AP2M1: variants seen among roughly 807,000 people sequenced by gnomAD.
AP2M1 encodes the protein adaptor related protein complex 2 subunit mu 1.
AP2M1 carries 5 observed loss-of-function variants against 54.5 expected under a neutral mutation model. The ratio of observed to expected loss-of-function variants is 0.09; its 90% confidence interval spans 0.05 to 0.19. The LOEUF (loss-of-function observed/expected upper bound fraction) is 0.19, where lower values mean the gene tolerates loss of function less well. AP2M1 is among the 10% of genes least tolerant of loss of function. AP2M1 has a pLI of 1.00. For missense variants in AP2M1, 178 were observed against 580.2 expected (o/e 0.31, Z 7.12); for synonymous variants, 186 against 208.2 (o/e 0.89, Z 0.92).
chr3:184,177,175 C>T, intron 2 of AP2M1, 108 bp downstream of exon 2: 1 of 1,112,024 alleles, frequency 9.0e-7, no homozygotes, highest in Non-Finnish European at 1.3e-6. Flanking sequence ...CCACCCTGAC[C>T]CCTGGCTGCA....
At position 184,181,939 on chromosome 3, in the gene AP2M1, T is replaced by C. The variant is rs754078750; in HGVS notation, c.855T>C (p.Leu285=). 4.3e-5 allele frequency: 70 copies of C among 1,613,970 alleles called. No individual in the cohort carries two copies. The highest frequency in any genetic ancestry group is 5.7e-5 in the Non-Finnish European group (67 of 1,180,010). Residue 285 remains leucine, a synonymous_variant, in exon 9 of 12, where the codon CTT becomes CTC. Coordinates refer to ENST00000292807, the MANE Select transcript of AP2M1 (RefSeq NM_004068.4). The surrounding 1 kb of genome is among the most constrained non-coding windows in gnomAD (Gnocchi z 5.7). ...ATCGCACAACCAAGGACATCATCCT[T>C]CCCTTCCGGGTGATCCCGCTAGTGC... ...MRYRTTKDII[L]PFRVIPLVRE...
rs1715302252 is a variant in AP2M1 at position 184,182,358 on chromosome 3, T to C, written c.1061+110T>C. ...GGGCAGGGGAGTGTGCCTGTTTGCT[T>C]TTCTAGGAGCCTCTGCTTGTACTGT... On this transcript the variant is annotated intron_variant, in intron 10 of 11. Transcript: ENST00000292807. This position sits in a 1 kb window ranked among gnomAD's most constrained non-coding sequence, Gnocchi z 5.5. 2 of 1,183,850 alleles carry C rather than the reference T, an allele frequency of 1.7e-6. No individual in the cohort carries two copies. Among genetic ancestry groups the C allele is most frequent in the East Asian group, 5.1e-5 (2 of 38,938 alleles). The allele number at this position is 1,183,850 out of a possible 1,614,324, so 73.3% of individuals were successfully genotyped here.
At chr3:184,175,992 A>G (rs1358287135) in intron 1 of AP2M1, among the ~76,000 whole-genome samples, 1 of 152,242 alleles carries the variant, frequency 6.6e-6, no homozygotes, top group Non-Finnish European at 1.5e-5. Context: ...AATCCAGGAA[A>G]TCTAAAACCA....
At chr3:184,177,732 C>A in intron 2 of AP2M1, 1 of 971,138 alleles carries the variant, frequency 1.0e-6, no homozygotes, top group Non-Finnish European at 1.5e-6. Context: ...TCTCATTCTG[C>A]GCCCCCTTGC....
At chr3:184,176,088 C>T (rs1293318611) in intron 1 of AP2M1, among the ~76,000 whole-genome samples, 2 of 152,184 alleles carry the variant, frequency 1.3e-5, no homozygotes, top group Non-Finnish European at 2.9e-5. Context: ...CTGCTTCTTG[C>T]TTATAGGCAC....
In AP2M1 at chr3:184,182,741, G is replaced by A. The variant is rs374676864; in HGVS notation, c.1062-16G>A. Reference sequence around the variant, plus strand: ...TCCAAGCCCCAATGGGCTGCCCATTGTCCCTGTGTTCCCAGGATCAAGCGC... The same window carrying A: ...TCCAAGCCCCAATGGGCTGCCCATTATCCCTGTGTTCCCAGGATCAAGCGC... On this transcript the variant is annotated splice_polypyrimidine_tract_variant and intron_variant, in intron 10 of 11. Transcript: ENST00000292807. The surrounding 1 kb of genome is among the most constrained non-coding windows in gnomAD (Gnocchi z 5.5). The A allele has an allele frequency of 4.7e-5, 76 of 1,611,096 alleles. No individual in the cohort carries two copies. Among genetic ancestry groups the A allele is most frequent in the Non-Finnish European group, 6.4e-5 (75 of 1,177,674 alleles).
chr3:184,177,694 G>A (rs1038991361), intron 2 of AP2M1: 2 of 1,322,730 alleles, frequency 1.5e-6, no homozygotes, highest in African/African-American at 1.5e-5. Flanking sequence ...CCATATCCTG[G>A]GCCTTCACAC....
chr3:184,179,163 GA>G (rs1715186428), intron 3 of AP2M1, 41 bp downstream of exon 3: 20 of 1,600,470 alleles, frequency 1.2e-5, no homozygotes, highest in Non-Finnish European at 1.5e-5. Flanking sequence ...CGTAGGGTGG[GA>G]AAAAACCAGG....
Position 184,182,489 on chromosome 3 carries a change from C to T in AP2M1, c.1061+241C>T, listed in dbSNP as rs1169074961. Among the ~76,000 whole-genome samples the T allele has an allele frequency of 3.9e-5, 6 of 151,932 alleles. No individual in the cohort carries two copies. The highest frequency in any genetic ancestry group is 9.7e-5 in the African/African-American group (4 of 41,346). Reference sequence around the variant, plus strand: ...ATTTCCCTTTGTAATGTATACATTACAAAGGGAATACATTGCCTTTGTAAT... The same window carrying T: ...ATTTCCCTTTGTAATGTATACATTATAAAGGGAATACATTGCCTTTGTAAT... On this transcript the variant is annotated intron_variant, in intron 10 of 11. Transcript: ENST00000292807. This position sits in a 1 kb window ranked among gnomAD's most constrained non-coding sequence, Gnocchi z 5.5.
In AP2M1 at chr3:184,180,091, G is replaced by T. The variant is rs146286871; in HGVS notation, c.341-78G>T. The stretch of plus-strand genomic sequence containing the variant: ...CCACATGGGCTTTGGGAGCTGTGCC[G>T]GTCAGATGTGTAGGCCCAAGTAGGG... On this transcript the variant is annotated intron_variant, in intron 3 of 11. Coordinates refer to ENST00000292807, the MANE Select transcript of AP2M1 (RefSeq NM_004068.4). This position sits in a 1 kb window ranked among gnomAD's most constrained non-coding sequence, Gnocchi z 4.9. 2 of 1,381,742 alleles carry T rather than the reference G, an allele frequency of 1.4e-6. No homozygotes were observed. The highest frequency in any genetic ancestry group is 2.9e-5 in the African/African-American group (2 of 70,170). 85.6% of individuals were successfully genotyped at this position (1,381,742 alleles called of 1,614,324 possible). A position where few individuals can be genotyped will look rare whatever the true frequency, so the allele number is the denominator to read the frequency against.
chr3:184,183,688 CCA>C lies in AP2M1; in HGVS notation c.*77_*78del. 6.5e-7 allele frequency: 1 copy of C among 1,530,722 alleles called. No homozygotes were observed. Among genetic ancestry groups the C allele is most frequent in the Non-Finnish European group, 8.9e-7 (1 of 1,119,008 alleles). The allele number at this position is 1,530,722 out of a possible 1,614,324, so 94.8% of individuals were successfully genotyped here. ...GGTCCAGGTGCCGCTCCCTCCCCCA[CCA>C]CACATCAGTGTCTCCTCCCTCCTGC... On this transcript the variant is annotated 3_prime_UTR_variant, in exon 12 of 12. Coordinates refer to ENST00000292807, the MANE Select transcript of AP2M1 (RefSeq NM_004068.4). This position sits in a 1 kb window ranked among gnomAD's most constrained non-coding sequence, Gnocchi z 5.7.
Position 184,178,739 on chromosome 3 carries a change from A to AGT in AP2M1, c.75-109_75-108dup. 17 of 1,297,018 alleles carry AGT rather than the reference A, an allele frequency of 1.3e-5. No individual in the cohort carries two copies. The highest frequency in any genetic ancestry group is 1.7e-5 in the Non-Finnish European group (16 of 941,980). The allele number at this position is 1,297,018 out of a possible 1,614,324, so 80.3% of individuals were successfully genotyped here. ...TGGTTTAGGCATTGGCTTTCTTTGG[A>AGT]GTGTGTGTGTCAGACTTCTGCAGAA... is the stretch of plus-strand genomic sequence containing the variant. On this transcript the variant is annotated intron_variant, in intron 2 of 11. Transcript: ENST00000292807. The surrounding 1 kb of genome is among the most constrained non-coding windows in gnomAD (Gnocchi z 4.9).
rs777259626 is a variant in AP2M1 at position 184,183,660 on chromosome 3, A to C, written c.*44A>C. The stretch of plus-strand genomic sequence containing the variant: ...CCCACCTCCCCAGCCACCCTCCTCC[A>C]CAGGTCCAGGTGCCGCTCCCTCCCC... On this transcript the variant is annotated 3_prime_UTR_variant, in exon 12 of 12. Coordinates refer to ENST00000292807, the MANE Select transcript of AP2M1 (RefSeq NM_004068.4). This position sits in a 1 kb window ranked among gnomAD's most constrained non-coding sequence, Gnocchi z 5.7. The C allele has an allele frequency of 2.3e-5, 37 of 1,604,366 alleles. No homozygotes were observed. The highest frequency in any genetic ancestry group is 2.9e-5 in the Non-Finnish European group (34 of 1,175,610).
chr3:184,179,274 C>T, intron 3 of AP2M1, 152 bp downstream of exon 3: 1 of 938,138 alleles, frequency 1.1e-6, no homozygotes. Context: ...CTCTATGCCC[C>T]TCAGAAGGCC....
At chr3:184,175,000 TGCGGGTCGTCTGCCTCGCCGCGCA>T in intron 1 of AP2M1, 41 bp downstream of exon 1, 1 of 398,356 alleles carries the variant, frequency 2.5e-6, no homozygotes, top group East Asian at 3.6e-5. Context: ...AGGAGGACGC[TGCGGGTCGTCTGCCTCGCCGCGCA>T]GCTTTGTCCT....
In AP2M1 at chr3:184,182,092, A is replaced by C. The variant is rs1560127339; in HGVS notation, c.963+45A>C. On this transcript the variant is annotated intron_variant, in intron 9 of 11. Transcript: ENST00000292807. This position sits in a 1 kb window ranked among gnomAD's most constrained non-coding sequence, Gnocchi z 5.5. ...GGAGGAGGAAGAACTTGTCCCTAGG[A>C]ATAAAGGTAGCTGATGTCACAGCTT... 1 of 1,611,486 alleles carries C rather than the reference A, an allele frequency of 6.2e-7. No individual in the cohort carries two copies. Among genetic ancestry groups the C allele is most frequent in the Non-Finnish European group, 8.5e-7 (1 of 1,178,302 alleles).
At position 184,181,940 on chromosome 3, in the gene AP2M1, C is replaced by T; in HGVS notation, c.856C>T (p.Pro286Ser). Residue 286 changes from proline to serine, a missense_variant, in exon 9 of 12, where the codon CCC becomes TCC. Around this residue, in one of 5 missense-constraint regions of AP2M1, gnomAD observed 59 missense variants for 176.8 expected, o/e 0.33. Coordinates refer to ENST00000292807, the MANE Select transcript of AP2M1 (RefSeq NM_004068.4). This position sits in a 1 kb window ranked among gnomAD's most constrained non-coding sequence, Gnocchi z 5.7. Reference sequence around the variant, plus strand: ...TCGCACAACCAAGGACATCATCCTTCCCTTCCGGGTGATCCCGCTAGTGCG... The same window carrying T: ...TCGCACAACCAAGGACATCATCCTTTCCTTCCGGGTGATCCCGCTAGTGCG... ...RYRTTKDIIL[P>S]FRVIPLVREV... 2 of 1,614,200 alleles carry T rather than the reference C, an allele frequency of 1.2e-6. No individual in the cohort carries two copies. Among genetic ancestry groups the T allele is most frequent in the Non-Finnish European group, 1.7e-6 (2 of 1,180,028 alleles).
rs1715331341 is a variant in AP2M1 at position 184,183,200 on chromosome 3, A to T, written c.1174-282A>T. 3 of 555,884 alleles carry T rather than the reference A, an allele frequency of 5.4e-6. No individual in the cohort carries two copies. 34.4% of individuals were successfully genotyped at this position (555,884 alleles called of 1,614,324 possible). Reference sequence around the variant, plus strand: ...GCGCATGTTAGACATAATTTTCTCCACCTTATTTTTAAGTTCATAATATTG... The same window carrying T: ...GCGCATGTTAGACATAATTTTCTCCTCCTTATTTTTAAGTTCATAATATTG... On this transcript the variant is annotated intron_variant, in intron 11 of 11. Coordinates refer to ENST00000292807, the MANE Select transcript of AP2M1 (RefSeq NM_004068.4). This position sits in a 1 kb window ranked among gnomAD's most constrained non-coding sequence, Gnocchi z 5.7.
At position 184,180,376 on chromosome 3, in the gene AP2M1, C is replaced by T. The variant is rs1026637582; in HGVS notation, c.423+125C>T. On this transcript the variant is annotated intron_variant, in intron 4 of 11. Transcript: ENST00000292807. The surrounding 1 kb of genome is among the most constrained non-coding windows in gnomAD (Gnocchi z 4.9). The stretch of plus-strand genomic sequence containing the variant: ...TGACAGGAAGTGCTGGCCTGAGCCT[C>T]CTGCCATGATTGCAGGCCGATTTTG... 5.5e-6 allele frequency: 7 copies of T among 1,282,656 alleles called. No individual in the cohort carries two copies. The highest frequency in any genetic ancestry group is 1.1e-6 in the Non-Finnish European group (1 of 923,386). The allele number at this position is 1,282,656 out of a possible 1,614,324, so 79.5% of individuals were successfully genotyped here.
Sources: gnomAD v4.1 joint callset for allele counts (sites outside exome capture counted in the v4.1 genomes callset) on GRCh38, gnomAD v4.1.1 for gene constraint, gnomAD v4.1.1 regional missense constraint, Gnocchi (gnomAD v3.1) non-coding constraint, MANE v1.5 for transcripts, NCBI Gene and HGNC (gene_info 2026-07-23, HGNC 2026-07-21) for gene names.